Variants in CFTR observed in about 807,000 individuals in gnomAD.
CFTR encodes cystic fibrosis transmembrane conductance regulator.
In CFTR, 181 loss-of-function variants were observed where a neutral mutation model predicts 171.6. The observed-to-expected ratio is 1.05, with a 90% CI of 0.93 to 1.19. The LOEUF is 1.19. Among genes scored for constraint, CFTR ranks in the 50% most tolerant of loss-of-function variants. The pLI is 0.00. For synonymous variants in CFTR, 583 were observed against 608.0 expected (o/e 0.96, Z 0.60); for missense variants, 1,968 against 1,734.7 (o/e 1.13, Z -2.39).
In CFTR at chr7:117,587,822, T is replaced by C. The variant is rs1232726281; in HGVS notation, c.1668T>C (p.Ile556=). The C allele has an allele frequency of 6.3e-7, 1 of 1,596,360 alleles. No homozygotes were observed. The highest frequency in any genetic ancestry group is 1.3e-5 in the African/African-American group (1 of 74,616). The change falls in exon 12 of 27, where the codon ATT becomes ATC. Residue 556 remains isoleucine, a synonymous_variant. Coordinates refer to ENST00000003084, the MANE Select transcript of CFTR (RefSeq NM_000492.4). ...ITLSGGQRAR[I]SLARAVYKDA... ...TGAGTGGAGGTCAACGAGCAAGAAT[T>C]TCTTTAGCAAGGTGAATAACTAATT...
intron 11 of CFTR, among the ~76,000 whole-genome samples, chr7:117,567,846 G>A (rs1791627761): frequency 6.6e-6 from 1 of 152,310 alleles, no homozygotes; most frequent in East Asian, 1.9e-4. Context: ...AGTTTGGTAA[G>A]TTAGATGATA....
At chr7:117,552,342 G>C (rs1182081015) in intron 10 of CFTR, among the ~76,000 whole-genome samples, 1 of 151,974 alleles carries the variant, frequency 6.6e-6, no homozygotes, top group African/African-American at 2.4e-5. Flanking sequence ...GCTATATTGT[G>C]TTTAGGTTTA....
At chr7:117,613,503 G>A (rs1214537914) in intron 20 of CFTR, among the ~76,000 whole-genome samples, 1 of 152,048 alleles carries the variant, frequency 6.6e-6, no homozygotes, top group East Asian at 1.9e-4. Context: ...CATAGGTGTG[G>A]GGTGAATAGT....
chr7:117,486,093 G>T (rs1327682754), intron 1 of CFTR, among the ~76,000 whole-genome samples: 5 of 152,094 alleles, frequency 3.3e-5, no homozygotes, highest in African/African-American at 1.2e-4. Flanking sequence ...TGTCCCTTCT[G>T]CCTTAGCCTT....
chr7:117,554,112 T>C (rs1055392090), intron 10 of CFTR, among the ~76,000 whole-genome samples: 2 of 152,156 alleles, frequency 1.3e-5, no homozygotes, highest in Admixed American at 1.3e-4. Flanking sequence ...CTGGAGAGTT[T>C]TAAACAGAAG....
chr7:117,566,875 A>G lies in CFTR; in HGVS notation c.1584+7220A>G, dbSNP rs146922841. 1.7e-3 allele frequency among the ~76,000 whole-genome samples: 265 copies of G among 152,346 alleles called. 1 individual carries two copies. The highest frequency in any genetic ancestry group is 6.0e-3 in the African/African-American group (250 of 41,578). On this transcript the variant is annotated intron_variant, in intron 11 of 26. Coordinates refer to ENST00000003084, the MANE Select transcript of CFTR (RefSeq NM_000492.4). ...CCAAAAGTGTGAGCTAGGTTTTAGA[A>G]GTTAATCACAATTCTGGAACAAATT...
At chr7:117,562,675 C>T (rs1175293863) in intron 11 of CFTR, among the ~76,000 whole-genome samples, 2 of 152,026 alleles carry the variant, frequency 1.3e-5, no homozygotes, top group South Asian at 2.1e-4. Flanking sequence ...TCTTTCCTGT[C>T]AAAGAACTTG....
intron 3 of CFTR, among the ~76,000 whole-genome samples, chr7:117,513,563 A>G (rs1199437854): frequency 1.3e-5 from 2 of 152,162 alleles, no homozygotes; most frequent in Non-Finnish European, 2.9e-5. Flanking sequence ...TGTGGCAACC[A>G]TTTCAAAATA....
intron 3 of CFTR, among the ~76,000 whole-genome samples, chr7:117,512,513 G>T (rs1562884941): frequency 6.6e-6 from 1 of 151,334 alleles, no homozygotes; most frequent in Non-Finnish European, 1.5e-5. Context: ...GGGCACCTGT[G>T]GTCCCAGCTA....
rs373112861 is a variant in CFTR, at chr7:117,504,311, T to A, written c.112T>A (p.Tyr38Asn). Residue 38 changes from tyrosine to asparagine, a missense_variant, in exon 2 of 27, where the codon TAC becomes AAC. Tyr to Asn is a moderately radical substitution (Grantham distance 143). Coordinates refer to ENST00000003084, the MANE Select transcript of CFTR (RefSeq NM_000492.4). ...ACAGCGCCTGGAATTGTCAGACATATACCAAATCCCTTCTGTTGATTCTGC... is the reference window on the plus strand; with the variant it reads ...ACAGCGCCTGGAATTGTCAGACATAAACCAAATCCCTTCTGTTGATTCTGC... Reference protein sequence around the residue: ...YRQRLELSDIYQIPSVDSADN... With the variant: ...YRQRLELSDINQIPSVDSADN... 1.2e-6 allele frequency: 2 copies of A among 1,612,802 alleles called. No individual in the cohort carries two copies. Among genetic ancestry groups the A allele is most frequent in the South Asian group, 2.2e-5 (2 of 91,056 alleles).
At chr7:117,487,760 A>G (rs1379150895) in intron 1 of CFTR, 3 of 152,104 alleles carry the variant, frequency 2.0e-5, no homozygotes, top group Non-Finnish European at 2.9e-5. Flanking sequence ...AATAATTTCA[A>G]AAAGGGACTC....
intron 15 of CFTR, among the ~76,000 whole-genome samples, chr7:117,602,363 A>G (rs1273314564): frequency 6.6e-6 from 1 of 152,252 alleles, no homozygotes; most frequent in African/African-American, 2.4e-5. Context: ...TTCCATTAAT[A>G]TTAATCTCAC....
intron 2 of CFTR, among the ~76,000 whole-genome samples, chr7:117,505,500 C>T (rs1333368262): frequency 6.6e-6 from 1 of 152,140 alleles, no homozygotes; most frequent in Non-Finnish European, 1.5e-5. Context: ...TTTTCTCAGA[C>T]CGGACCAGCT....
intron 21 of CFTR, among the ~76,000 whole-genome samples, chr7:117,618,106 G>A (rs1792520866): frequency 6.6e-6 from 1 of 151,798 alleles, no homozygotes; most frequent in African/African-American, 2.4e-5. Flanking sequence ...TACCTCTCTG[G>A]CTCTTCCTTG....
intron 3 of CFTR, among the ~76,000 whole-genome samples, chr7:117,512,398 T>C (rs1584777697): frequency 6.6e-6 from 1 of 151,720 alleles, no homozygotes; most frequent in Non-Finnish European, 1.5e-5. Flanking sequence ...GAGGCCGAGG[T>C]GGGCAAATCA....
chr7:117,666,140 C>T (rs1408224031), intron 26 of CFTR, among the ~76,000 whole-genome samples: 1 of 152,114 alleles, frequency 6.6e-6, no homozygotes, highest in Admixed American at 6.6e-5. Flanking sequence ...GGGGGGATTA[C>T]TTGAGGCCAG....
At chr7:117,567,982 A>G (rs540784805) in intron 11 of CFTR, among the ~76,000 whole-genome samples, 93 of 152,344 alleles carry the variant, frequency 6.1e-4, no homozygotes, top group Admixed American at 1.0e-3. Context: ...AACAGGAGTC[A>G]TCTGAGTGAA....
At position 117,548,819 on chromosome 7, in the gene CFTR, G is replaced by A. The variant is rs1163866901; in HGVS notation, c.1388G>A (p.Gly463Asp). 3 of 1,609,242 alleles carry A rather than the reference G, an allele frequency of 1.9e-6. No homozygotes were observed. The highest frequency in any genetic ancestry group is 2.5e-6 in the Non-Finnish European group (3 of 1,177,142). Residue 463 changes from glycine (G) to aspartate (D), a missense_variant, in exon 10 of 27, where the codon GGC becomes GAC. Transcript: ENST00000003084. The part of the protein sequence containing the change: ...LLAVAGSTGA[G>D]KTSLLMVIMG... Reference sequence around the variant, plus strand: ...GCGGTTGCTGGATCCACTGGAGCAGGCAAGGTAGTTCTTTTGTTCTTCACT... The same window carrying A: ...GCGGTTGCTGGATCCACTGGAGCAGACAAGGTAGTTCTTTTGTTCTTCACT...
chr7:117,517,858 G>C (rs1164264095), intron 3 of CFTR, among the ~76,000 whole-genome samples: 6 of 152,098 alleles, frequency 3.9e-5, no homozygotes, highest in Admixed American at 2.6e-4. Flanking sequence ...GTCTTCTTTT[G>C]AGAAGTGTCT....
Sources: allele counts gnomAD v4.1 joint callset (sites outside exome capture counted in the v4.1 genomes callset), GRCh38; gene constraint gnomAD v4.1.1; transcripts MANE v1.5; gene names NCBI Gene and HGNC (gene_info 2026-07-23, HGNC 2026-07-21).